Variants in KLF12 observed in about 807,000 individuals in gnomAD.
KLF12 encodes the protein KLF transcription factor 12.
A neutral mutation model predicts 37.8 loss-of-function variants in KLF12; 9 were observed. The ratio of observed to expected loss-of-function variants is 0.24; its 90% CI spans 0.14 to 0.42. KLF12 has a LOEUF of 0.42. Ranked by LOEUF, KLF12 falls within the 10% of genes least tolerant of loss-of-function variation. The probability of loss-of-function intolerance (pLI) is 1.00; values close to 1 mark genes in which losing one functional copy is unlikely to be tolerated. For missense variants in KLF12, 411 were observed against 516.0 expected (o/e 0.80, Z 1.97); for synonymous variants, 208 against 202.1 (o/e 1.03, Z -0.25).
chr13:73,774,032 A>G (rs1487702148), intron 5 of KLF12, among the ~76,000 whole-genome samples: 1 of 152,068 alleles, frequency 6.6e-6, no homozygotes, highest in Admixed American at 6.6e-5. Context: ...TTATAATTAT[A>G]TGGAGAGTGA....
At chr13:74,287,349 T>TGAGAGAGAGAGATAGA in the KLF12 span, among the ~76,000 whole-genome samples, 45 of 71,896 alleles carry the variant, frequency 6.3e-4, 2 homozygotes, top group African/African-American at 2.6e-3. Context: ...CTATCAAAGT[T>TGAGAGAGAGAGATAGA]GAGAGAGAGA....
chr13:74,050,191 G>A (rs1426517326), intron 1 of KLF12, among the ~76,000 whole-genome samples: 1 of 152,176 alleles, frequency 6.6e-6, no homozygotes, highest in Non-Finnish European at 1.5e-5. Context: ...ACTGACAAAT[G>A]TATTGGGAAT....
At chr13:73,801,529 A>AG (rs1882279438) in intron 5 of KLF12, 1 of 152,110 alleles carries the variant, frequency 6.6e-6, no homozygotes, top group African/African-American at 2.4e-5. Context: ...AGAAATGACT[A>AG]CCTACACTCA....
At chr13:74,056,272 G>C (rs944751457) in intron 1 of KLF12, among the ~76,000 whole-genome samples, 6 of 152,160 alleles carry the variant, frequency 3.9e-5, no homozygotes, top group African/African-American at 1.4e-4. Context: ...GTACACAGCA[G>C]CCCATCAGTT....
intron 1 of KLF12, among the ~76,000 whole-genome samples, chr13:74,064,807 T>C (rs1873810999): frequency 6.6e-6 from 1 of 152,170 alleles, no homozygotes; most frequent in African/African-American, 2.4e-5. Flanking sequence ...ACTAATGATG[T>C]CTAGAAAGTC....
intron 1 of KLF12, among the ~76,000 whole-genome samples, chr13:74,097,946 A>T (rs1390656403): frequency 6.6e-6 from 1 of 152,132 alleles, no homozygotes; most frequent in Non-Finnish European, 1.5e-5. Context: ...ACTCTGTGAA[A>T]GAATATTTAT....
intron 1 of KLF12, among the ~76,000 whole-genome samples, chr13:74,041,687 G>T (rs1893404528): frequency 8.9e-6 from 1 of 112,236 alleles, no homozygotes; most frequent in Non-Finnish European, 1.8e-5. Flanking sequence ...CCAGATCGCT[G>T]ATTTACACAC....
chr13:74,185,741 G>T, the KLF12 span, among the ~76,000 whole-genome samples: 59 of 152,196 alleles, frequency 3.9e-4, no homozygotes, highest in Non-Finnish European at 8.1e-4. Flanking sequence ...CCACCTCCCA[G>T]GTTCAAGCAA....
chr13:74,280,826 T>TTC, the KLF12 span, among the ~76,000 whole-genome samples: 6 of 8,764 alleles, frequency 6.8e-4, no homozygotes, highest in Admixed American at 2.1e-3. Context: ...TTCTTTTTTC[T>TTC]TTTTTTTTTT....
chr13:74,096,261 A>C (rs1200367945), intron 1 of KLF12, among the ~76,000 whole-genome samples: 1 of 151,930 alleles, frequency 6.6e-6, no homozygotes, highest in Non-Finnish European at 1.5e-5. Flanking sequence ...TTCTAACTAA[A>C]CTCTAAGCTT....
the KLF12 span, among the ~76,000 whole-genome samples, chr13:74,161,393 G>C: frequency 6.6e-6 from 1 of 152,018 alleles, no homozygotes; most frequent in Non-Finnish European, 1.5e-5. Context: ...CCTTTGCAGG[G>C]AAAAAGAGAG....
the KLF12 span, among the ~76,000 whole-genome samples, chr13:74,195,705 T>C: frequency 6.6e-6 from 1 of 152,190 alleles, no homozygotes; most frequent in South Asian, 2.1e-4. Context: ...TTCAAGTGAT[T>C]CTCCTGCCTC....
intron 5 of KLF12, among the ~76,000 whole-genome samples, chr13:73,807,646 C>T (rs1882716940): frequency 6.6e-6 from 1 of 152,144 alleles, no homozygotes; most frequent in Non-Finnish European, 1.5e-5. Flanking sequence ...ACACTATCAA[C>T]TGAGCATTAT....
chr13:74,053,591 G>C (rs1434063923), intron 1 of KLF12, among the ~76,000 whole-genome samples: 1 of 152,116 alleles, frequency 6.6e-6, no homozygotes, highest in African/African-American at 2.4e-5. Flanking sequence ...AACCCAAGCA[G>C]TCAGACCCTG....
intron 3 of KLF12, among the ~76,000 whole-genome samples, chr13:73,935,794 A>T (rs1889901782): frequency 6.6e-6 from 1 of 152,006 alleles, no homozygotes; most frequent in Non-Finnish European, 1.5e-5. Context: ...TGCCTGGCTA[A>T]TTTTTGTATT....
intron 1 of KLF12, among the ~76,000 whole-genome samples, chr13:73,997,376 A>G (rs1208514318): frequency 6.6e-6 from 1 of 152,244 alleles, no homozygotes; most frequent in Non-Finnish European, 1.5e-5. Flanking sequence ...CTCTAATTGC[A>G]GTAATGTTTA....
At chr13:73,992,596 G>A (rs375457148) in intron 2 of KLF12, among the ~76,000 whole-genome samples, 6 of 152,188 alleles carry the variant, frequency 3.9e-5, no homozygotes, top group African/African-American at 1.4e-4. Context: ...TAAGCAGAAA[G>A]GCACAGCATG....
intron 6 of KLF12, among the ~76,000 whole-genome samples, chr13:73,726,965 T>C (rs1876713273): frequency 6.6e-6 from 1 of 152,230 alleles, no homozygotes; most frequent in Non-Finnish European, 1.5e-5. Flanking sequence ...TCAGTCTTTT[T>C]AATTTCAGCA....
chr13:74,182,090 G>C, the KLF12 span, among the ~76,000 whole-genome samples: 1 of 152,224 alleles, frequency 6.6e-6, no homozygotes, highest in African/African-American at 2.4e-5. Context: ...AAAAGTGTGG[G>C]AGGGTATAAA....
Sources: allele counts gnomAD v4.1 joint callset (sites outside exome capture counted in the v4.1 genomes callset), GRCh38; gene constraint gnomAD v4.1.1; transcripts MANE v1.5; gene names NCBI Gene and HGNC (gene_info 2026-07-23, HGNC 2026-07-21).